The following PHKB variants were observed in gnomAD, a reference collection of about 807,000 sequenced individuals.
PHKB encodes the protein phosphorylase kinase regulatory subunit beta.
A neutral mutation model predicts 152.1 loss-of-function variants in PHKB; 122 were observed. The ratio of observed to expected loss-of-function variants is 0.80; its 90% CI spans 0.69 to 0.93. The LOEUF is 0.93. Ranked by LOEUF, PHKB falls within the 40% of genes least tolerant of loss-of-function variation. The probability of loss-of-function intolerance (pLI) is 0.00; values close to 1 mark genes in which losing one functional copy is unlikely to be tolerated. For synonymous variants in PHKB, 436 were observed against 464.9 expected (o/e 0.94, Z 0.80); for missense variants, 1,304 against 1,328.4 (o/e 0.98, Z 0.29).
Position 47,587,700 on chromosome 16 carries a change from C to T in PHKB, c.807C>T (p.Leu269=), listed in dbSNP as rs747148702. 1.1e-5 allele frequency: 17 copies of T among 1,613,418 alleles called. No individual in the cohort carries two copies. Among genetic ancestry groups the T allele is most frequent in the East Asian group, 4.5e-5 (2 of 44,884 alleles). The change falls in exon 9 of 31, where the codon CTC becomes CTT. Residue 269 remains leucine (L), a synonymous_variant. Transcript: ENST00000323584. ...GCSWSVIFVD[L]DAHNRNRQTL... is the part of the protein sequence containing the mutation. ...CGTGGTCAGTTATATTTGTGGATCT[C>T]GATGCTCACAATCGCAACAGGCAAA...
intron 13 of PHKB, among the ~76,000 whole-genome samples, chr16:47,603,813 ACTTT>A (rs1972277547): frequency 6.6e-6 from 1 of 151,970 alleles, no homozygotes; most frequent in South Asian, 2.1e-4. Flanking sequence ...CCAATAACTG[ACTTT>A]CTTATATGTC....
At chr16:47,603,472 TC>T (rs148294761) in intron 13 of PHKB, among the ~76,000 whole-genome samples, 10,389 of 152,034 alleles carry the variant, frequency 0.068, 586 homozygotes, top group African/African-American at 0.15. Context: ...GGGAAGACTT[TC>T]TTTAGCTTTA....
Position 47,594,170 on chromosome 16 carries a change from A to AATATC in PHKB, c.1162_1166dup (p.Gln389HisfsTer6), listed in dbSNP as rs1312150142. 2 of 1,581,022 alleles carry AATATC rather than the reference A, an allele frequency of 1.3e-6. No homozygotes were observed. Among genetic ancestry groups the AATATC allele is most frequent in the African/African-American group, 2.7e-5 (2 of 74,304 alleles). ...AGAGGCAATCCTAAGCAAGTACAGG[A>AATATC]ATATCAGGATCTTTTGACTCCAGTA... On this transcript the variant is annotated frameshift_variant, in exon 12 of 31. Transcript: ENST00000323584. LOFTEE classifies it high-confidence loss of function.
At chr16:47,612,255 A>G (rs1450117687) in intron 14 of PHKB, among the ~76,000 whole-genome samples, 1 of 152,210 alleles carries the variant, frequency 6.6e-6, no homozygotes, top group Non-Finnish European at 1.5e-5. Context: ...TGTGTGACCC[A>G]CTTCTCTAGA....
intron 6 of PHKB, among the ~76,000 whole-genome samples, chr16:47,546,710 A>G (rs1567300965): frequency 6.6e-6 from 1 of 152,034 alleles, no homozygotes; most frequent in African/African-American, 2.4e-5. Context: ...CCATGCCCCC[A>G]CAAGTGGAGT....
intron 1 of PHKB, among the ~76,000 whole-genome samples, chr16:47,492,198 C>A (rs1035287651): frequency 3.9e-5 from 6 of 152,098 alleles, no homozygotes; most frequent in Non-Finnish European, 8.8e-5. Context: ...AGGCCTTGCT[C>A]CCAAGGATGT....
intron 1 of PHKB, among the ~76,000 whole-genome samples, chr16:47,477,802 C>T (rs1403490877): frequency 2.6e-5 from 4 of 152,132 alleles, no homozygotes; most frequent in Non-Finnish European, 5.9e-5. Flanking sequence ...TGGAAGAAAT[C>T]ACATAGATTA....
intron 29 of PHKB, among the ~76,000 whole-genome samples, chr16:47,697,004 G>A (rs555626312): frequency 6.6e-6 from 1 of 152,300 alleles, no homozygotes; most frequent in East Asian, 1.9e-4. Flanking sequence ...GAGAAGACAT[G>A]TCATTGCATG....
intron 13 of PHKB, among the ~76,000 whole-genome samples, chr16:47,608,158 A>C (rs1045575350): frequency 2.6e-5 from 4 of 151,546 alleles, no homozygotes; most frequent in Admixed American, 2.6e-4. Flanking sequence ...TTCTTGATGG[A>C]TCTTTTGAGG....
At chr16:47,677,705 A>C (rs1377522985) in intron 26 of PHKB, among the ~76,000 whole-genome samples, 1 of 152,104 alleles carries the variant, frequency 6.6e-6, no homozygotes, top group Non-Finnish European at 1.5e-5. Flanking sequence ...CAACATTTGA[A>C]TTTGGAGGGG....
intron 14 of PHKB, among the ~76,000 whole-genome samples, chr16:47,623,039 A>G (rs1050983324): frequency 1.3e-5 from 2 of 152,200 alleles, no homozygotes; most frequent in African/African-American, 2.4e-5. Context: ...AGGCCTAGCT[A>G]TAAAACCTGT....
At chr16:47,489,076 CAG>C (rs975696520) in intron 1 of PHKB, among the ~76,000 whole-genome samples, 1 of 152,000 alleles carries the variant, frequency 6.6e-6, no homozygotes, top group African/African-American at 2.4e-5. Context: ...TTTTTTGAGA[CAG>C]AGTCTTGCTC....
chr16:47,645,444 T>C (rs1168118445), intron 16 of PHKB, among the ~76,000 whole-genome samples: 2 of 110,966 alleles, frequency 1.8e-5, no homozygotes, highest in Non-Finnish European at 3.7e-5. Context: ...CTAGCCAGTT[T>C]TCCCAGCACC....
chr16:47,659,404 T>C (rs928369228), intron 20 of PHKB, among the ~76,000 whole-genome samples: 3 of 152,182 alleles, frequency 2.0e-5, no homozygotes, highest in Non-Finnish European at 2.9e-5. Flanking sequence ...AAATATGTAA[T>C]AAATATTGCC....
intron 20 of PHKB, among the ~76,000 whole-genome samples, chr16:47,658,735 G>A (rs906850444): frequency 6.6e-6 from 1 of 151,968 alleles, no homozygotes; most frequent in Non-Finnish European, 1.5e-5. Flanking sequence ...CACTCTATGG[G>A]TGTTCACACA....
intron 6 of PHKB, among the ~76,000 whole-genome samples, chr16:47,526,554 T>C (rs1335045637): frequency 2.0e-5 from 3 of 151,982 alleles, no homozygotes; most frequent in Non-Finnish European, 2.9e-5. Context: ...TTCAAGGCTG[T>C]AGTGAACGGT....
At chr16:47,665,811 G>C (rs1162674810) in intron 25 of PHKB, 4 of 734,928 alleles carry the variant, frequency 5.4e-6, no homozygotes, top group Non-Finnish European at 7.4e-6. Context: ...AATGTCCTGG[G>C]CAGTGTTTCC....
chr16:47,473,218 A>AT (rs1043960499), intron 1 of PHKB, among the ~76,000 whole-genome samples: 4,067 of 48,420 alleles, frequency 0.084, 968 homozygotes, highest in African/African-American at 0.14. Flanking sequence ...TGCCTGGCTA[A>AT]TTTTTTTTTT....
chr16:47,512,826 A>G (rs1383749315), intron 5 of PHKB, among the ~76,000 whole-genome samples: 5 of 152,122 alleles, frequency 3.3e-5, no homozygotes, highest in Non-Finnish European at 7.4e-5. Flanking sequence ...CTATTCATCT[A>G]TTCCTTACTA....
Sources: allele counts gnomAD v4.1 joint callset (sites outside exome capture counted in the v4.1 genomes callset), GRCh38; gene constraint gnomAD v4.1.1; transcripts MANE v1.5; gene names NCBI Gene and HGNC (gene_info 2026-07-23, HGNC 2026-07-21).